Variants in F8 observed in about 807,000 individuals in gnomAD.
F8 encodes antihemophilic factor.
F8 carries 12 observed loss-of-function variants against 140.6 expected under a neutral mutation model. The ratio of observed to expected loss-of-function variants is 0.09; its 90% confidence interval spans 0.05 to 0.14. The LOEUF (loss-of-function observed/expected upper bound fraction) is 0.14, where lower values mean the gene tolerates loss of function less well. Ranked by LOEUF, F8 falls within the 10% of genes least tolerant of loss-of-function variation. The pLI, the probability that F8 is intolerant of heterozygous loss-of-function variation, is 1.00. For synonymous variants in F8, 585 were observed against 614.6 expected (o/e 0.95, Z 0.71); for missense variants, 1,354 against 1,720.7 (o/e 0.79, Z 3.77).
intron 14 of F8, among the ~76,000 whole-genome samples, chrX:154,917,749 T>C (rs1373666848): frequency 2.7e-5 from 3 of 112,114 alleles, no homozygotes; most frequent in Non-Finnish European, 5.6e-5. Context: ...TCCGTTCAGT[T>C]GTATTTCTCA....
intron 14 of F8, among the ~76,000 whole-genome samples, chrX:154,921,355 C>T (rs942347270): frequency 9.0e-6 from 1 of 111,508 alleles, no homozygotes; most frequent in Non-Finnish European, 1.9e-5. Context: ...GTTAGAATGG[C>T]GATCATTAAA....
chrX:154,987,997 A>G (rs1202208570), intron 4 of F8, among the ~76,000 whole-genome samples: 1 of 112,041 alleles, frequency 8.9e-6, no homozygotes, highest in Non-Finnish European at 1.9e-5. Flanking sequence ...AGAAATAAAA[A>G]TTAGCTTGGA....
intron 22 of F8, among the ~76,000 whole-genome samples, chrX:154,877,780 T>G (rs1364091558): frequency 8.9e-6 from 1 of 112,337 alleles, no homozygotes; most frequent in Non-Finnish European, 1.9e-5. Flanking sequence ...TAAGCCATAT[T>G]AAGTTTGTGG....
In F8 at chrX:154,929,676, T is replaced by G; in HGVS notation, c.4114A>C (p.Thr1372Pro). The G allele has an allele frequency of 8.3e-7, 1 of 1,209,927 alleles. No homozygotes were observed. Among genetic ancestry groups the G allele is most frequent in the East Asian group, 3.0e-5 (1 of 33,820 alleles). ...NMKHLTPSTL[T>P]QIDYNEKEKG... is the part of the protein sequence containing the mutation. ...TCCTTCTCATTGTAGTCTATCTGTG[T>G]GAGGGTGCTCGGGGTCAAATGTTTC... Residue 1372 changes from threonine to proline, a missense_variant, in exon 14 of 26, where the codon ACA (threonine) becomes CCA (proline). This residue lies in a region of F8 where 658 missense variants were observed against 666.5 expected (regional missense o/e 0.99). Transcript: ENST00000360256.
intron 11 of F8, among the ~76,000 whole-genome samples, chrX:154,956,224 G>GC (rs2073364379): frequency 8.9e-6 from 1 of 112,065 alleles, no homozygotes; most frequent in Admixed American, 9.4e-5. Flanking sequence ...TTTTCAAGGT[G>GC]CCCAGATTTC....
At chrX:154,915,325 T>C (rs1603433328) in intron 14 of F8, among the ~76,000 whole-genome samples, 1 of 112,428 alleles carries the variant, frequency 8.9e-6, no homozygotes, top group Middle Eastern at 4.6e-3. Flanking sequence ...TTTGTGGTTC[T>C]GTACAAATTT....
chrX:154,865,580 C>A (rs28814617), intron 22 of F8, among the ~76,000 whole-genome samples: 1 of 108,899 alleles, frequency 9.2e-6, no homozygotes, highest in African/African-American at 3.4e-5. Flanking sequence ...AAAGTTGTGG[C>A]GGGGGGAATG....
intron 13 of F8, among the ~76,000 whole-genome samples, chrX:154,935,013 G>T (rs2073215982): frequency 9.1e-6 from 1 of 109,391 alleles, no homozygotes; most frequent in African/African-American, 3.3e-5. Context: ...AAATAAAAAA[G>T]TTAGCCTGGC....
chrX:154,989,095 C>A (rs947413677), intron 4 of F8, among the ~76,000 whole-genome samples: 2 of 111,530 alleles, frequency 1.8e-5, no homozygotes, highest in African/African-American at 6.5e-5. Flanking sequence ...TGGTTTTCAG[C>A]GAGGTTGGGG....
chrX:155,010,556 C>G (rs2073701797), intron 1 of F8, among the ~76,000 whole-genome samples: 1 of 111,028 alleles, frequency 9.0e-6, no homozygotes, highest in Non-Finnish European at 1.9e-5. Flanking sequence ...ATTCTATCAA[C>G]TTTTTTCTGG....
intron 14 of F8, among the ~76,000 whole-genome samples, chrX:154,912,566 G>A (rs894226103): frequency 3.6e-5 from 4 of 112,056 alleles, no homozygotes; most frequent in Non-Finnish European, 7.5e-5. Flanking sequence ...ATATGTTTCT[G>A]TCTTTATGCC....
intron 14 of F8, among the ~76,000 whole-genome samples, chrX:154,923,835 G>A (rs1569559638): frequency 9.0e-6 from 1 of 111,536 alleles, no homozygotes; most frequent in Non-Finnish European, 1.9e-5. Context: ...CATCTCATGT[G>A]GTGGCACATG....
At chrX:155,001,304 T>C (rs1354918099) in intron 1 of F8, among the ~76,000 whole-genome samples, 3 of 104,475 alleles carry the variant, frequency 2.9e-5, no homozygotes, top group African/African-American at 6.9e-5. Context: ...AAATTTACTA[T>C]CGTAAATCTT....
intron 25 of F8, among the ~76,000 whole-genome samples, chrX:154,840,146 A>T (rs1474049652): frequency 8.9e-6 from 1 of 112,018 alleles, no homozygotes; most frequent in Non-Finnish European, 1.9e-5. Context: ...CTTTCCTAAC[A>T]ATCTGTGGAG....
At chrX:154,958,623 A>AT (rs1473078696) in intron 10 of F8, among the ~76,000 whole-genome samples, 2 of 111,048 alleles carry the variant, frequency 1.8e-5, no homozygotes, top group African/African-American at 6.5e-5. Flanking sequence ...AGGGGAAGGA[A>AT]TTTTTTTTGA....
At chrX:154,839,605 A>G (rs142713295) in intron 25 of F8, among the ~76,000 whole-genome samples, 12,602 of 110,046 alleles carry the variant, frequency 0.11, 650 homozygotes, top group South Asian at 0.35. Context: ...CTCGTGATCC[A>G]CCCGCCTCGG....
intron 6 of F8, among the ~76,000 whole-genome samples, chrX:154,981,549 G>A (rs2073521099): frequency 1.8e-5 from 2 of 110,463 alleles, no homozygotes; most frequent in Admixed American, 9.7e-5. Context: ...ATATAAGGAA[G>A]GGTATGTGGG....
In F8 at chrX:154,953,979, G is replaced by A. The variant is rs372433670; in HGVS notation, c.1816C>T (p.Leu606Phe). ...AGAAAGCGTTGTATATTCTCTGTGA[G>A]GTACCAGCTTCGGTTCTCATCAAAT... The part of the protein sequence containing the change: ...SVFDENRSWY[L>F]TENIQRFLPN... Residue 606 changes from leucine to phenylalanine, a missense_variant, in exon 12 of 26, where the codon CTC (leucine) becomes TTC (phenylalanine). Physicochemically the swap from Leu to Phe is conservative, Grantham distance 22. This residue lies in a region of F8 where 252 missense variants were observed against 338.5 expected (regional missense o/e 0.74). Transcript: ENST00000360256. 1.7e-6 allele frequency: 2 copies of A among 1,209,403 alleles called. No homozygotes were observed. The highest frequency in any genetic ancestry group is 3.5e-5 in the African/African-American group (2 of 57,126).
intron 22 of F8, among the ~76,000 whole-genome samples, chrX:154,891,256 G>GCA (rs782198065): frequency 8.9e-6 from 1 of 112,915 alleles, no homozygotes; most frequent in African/African-American, 3.2e-5. Context: ...TTTCTTGTCA[G>GCA]CACACTATTG....
Sources: allele counts gnomAD v4.1 joint callset (sites outside exome capture counted in the v4.1 genomes callset), GRCh38; gene constraint gnomAD v4.1.1; regional missense constraint gnomAD v4.1.1; transcripts MANE v1.5; gene names NCBI Gene and HGNC (gene_info 2026-07-23, HGNC 2026-07-21).